The following ANKRD39 variants were observed in gnomAD, a reference collection of about 807,000 sequenced individuals.
ANKRD39 encodes the protein ankyrin repeat domain-containing protein 39.
A neutral mutation model predicts 20.3 loss-of-function variants in ANKRD39; 18 were observed. The ratio of observed to expected loss-of-function variants is 0.89; its 90% confidence interval spans 0.61 to 1.32. The LOEUF is 1.32. ANKRD39 is among the 40% of genes most tolerant of loss of function. The pLI is 0.00. For synonymous variants in ANKRD39, 106 were observed against 111.9 expected (o/e 0.95, Z 0.33); for missense variants, 243 against 250.7 (o/e 0.97, Z 0.21).
Position 96,848,330 on chromosome 2 carries a change from T to G in ANKRD39, c.523A>C (p.Ser175Arg), listed in dbSNP as rs1434045692. The change falls in exon 4 of 4, where the codon AGT (serine) becomes CGT (arginine). Residue 175 changes from serine (S) to arginine (R), a missense_variant. Ser to Arg is a moderately radical substitution (Grantham distance 110). Coordinates refer to ENST00000393537, the MANE Select transcript of ANKRD39 (RefSeq NM_016466.6). Reference protein sequence around the residue: ...RLACDLLPCNSDLRDLLSS With the variant: ...RLACDLLPCNRDLRDLLSS ...CTGGATAGCAGGTCCCGCAGGTCAC[T>G]GTTGCAAGGCAGCAGGTCACATGCT... 4 of 1,614,160 alleles carry G rather than the reference T, an allele frequency of 2.5e-6. No individual in the cohort carries two copies. The highest frequency in any genetic ancestry group is 3.4e-6 in the Non-Finnish European group (4 of 1,180,016).
At position 96,848,044 on chromosome 2, in the gene ANKRD39, G is replaced by T; in HGVS notation, c.*257C>A. 1 of 368,992 alleles carries T rather than the reference G, an allele frequency of 2.7e-6. No individual in the cohort carries two copies. Among genetic ancestry groups the T allele is most frequent in the Admixed American group, 4.0e-5 (1 of 25,126 alleles). 22.9% of individuals were successfully genotyped at this position (368,992 alleles called of 1,614,324 possible). A position where few individuals can be genotyped will look rare whatever the true frequency, so the allele number is the denominator to read the frequency against. ...AATTTATCTTTGGGTGTGGGATGAG[G>T]TAAGGATATAACTTTATTTTTTTCC... On this transcript the variant is annotated 3_prime_UTR_variant, in exon 4 of 4. Coordinates refer to ENST00000393537, the MANE Select transcript of ANKRD39 (RefSeq NM_016466.6).
At chr2:96,856,560 T>C (rs1046588052) in intron 1 of ANKRD39, among the ~76,000 whole-genome samples, 4 of 151,856 alleles carry the variant, frequency 2.6e-5, no homozygotes, top group African/African-American at 9.7e-5. Context: ...AACAGCACAA[T>C]TGACACTTAC....
chr2:96,852,539 AG>A (rs1454755318), intron 3 of ANKRD39, among the ~76,000 whole-genome samples: 1 of 150,648 alleles, frequency 6.6e-6, no homozygotes, highest in Non-Finnish European at 1.5e-5. Flanking sequence ...AACCTGGAGA[AG>A]GGGGCAGGAG....
chr2:96,854,707 T>A (rs1364556684), intron 1 of ANKRD39, among the ~76,000 whole-genome samples: 8 of 152,160 alleles, frequency 5.3e-5, no homozygotes, highest in Non-Finnish European at 2.9e-5. Context: ...AAGTGCTGGA[T>A]GAAGTAATGT....
intron 1 of ANKRD39, among the ~76,000 whole-genome samples, chr2:96,855,972 T>TCAACAA (rs140575907): frequency 4.6e-5 from 7 of 151,422 alleles, no homozygotes; most frequent in African/African-American, 1.5e-4. Context: ...AGACTCCGAC[T>TCAACAA]CAACAACAAC....
At position 96,848,393 on chromosome 2, in the gene ANKRD39, G is replaced by C. The variant is rs763051737; in HGVS notation, c.460C>G (p.Pro154Ala). Residue 154 changes from proline to alanine, a missense_variant, in exon 4 of 4, where the codon CCA becomes GCA. Coordinates refer to ENST00000393537, the MANE Select transcript of ANKRD39 (RefSeq NM_016466.6). ...DICSLLLQHSPALKAIRDRKA... is the reference protein window; with the variant it reads ...DICSLLLQHSAALKAIRDRKA... ...CGGTCCCGGATGGCCTTCAGGGCTG[G>C]GCTGTGTTGCAGGAGGAGGGAGCAG... 119 of 1,614,104 alleles carry C rather than the reference G, an allele frequency of 7.4e-5. No homozygotes were observed. Among genetic ancestry groups the C allele is most frequent in the Non-Finnish European group, 9.9e-5 (117 of 1,180,048 alleles).
chr2:96,857,769 G>GGCCCCAA lies in ANKRD39; in HGVS notation c.100+112_100+118dup, dbSNP rs556581970. 1,711 of 1,073,436 alleles carry GGCCCCAA rather than the reference G, an allele frequency of 1.6e-3. 5 individuals carry two copies. Among genetic ancestry groups the GGCCCCAA allele is most frequent in the South Asian group, 3.1e-3 (211 of 68,170 alleles). 66.5% of individuals were successfully genotyped at this position (1,073,436 alleles called of 1,614,324 possible). On this transcript the variant is annotated intron_variant, in intron 1 of 3. Transcript: ENST00000393537. ...GGGTCCCGCCCGCCTTCCCGCACCA[G>GGCCCCAA]GCCCCAAGCCCCAAGCCCCAAGCTC...
chr2:96,856,011 CAA>C (rs55950364), intron 1 of ANKRD39, among the ~76,000 whole-genome samples: 3 of 151,982 alleles, frequency 2.0e-5, no homozygotes, highest in East Asian at 1.9e-4. Context: ...ACAACAACAA[CAA>C]AGAGTTACTG....
rs372185299 is a variant in ANKRD39, at chr2:96,853,388, G to A, written c.408+13C>T. The A allele has an allele frequency of 1.2e-4, 188 of 1,560,700 alleles. No homozygotes were observed. The highest frequency in any genetic ancestry group is 1.6e-4 in the Non-Finnish European group (183 of 1,151,794). On this transcript the variant is annotated intron_variant, in intron 3 of 3. Transcript: ENST00000393537. ...TAAGGAAACGACATTTTTGGAAGGG[G>A]GAACGGGCCCACCTTATGCAGACTG...
At position 96,848,407 on chromosome 2, in the gene ANKRD39, A is replaced by C. The variant is rs1302268880; in HGVS notation, c.446T>G (p.Leu149Arg). The change falls in exon 4 of 4, where the codon CTC (leucine) becomes CGC (arginine). Residue 149 changes from leucine to arginine, a missense_variant. Transcript: ENST00000393537. ...ERGHGDICSL[L>R]LQHSPALKAI... ...CTTCAGGGCTGGGCTGTGTTGCAGG[A>C]GGAGGGAGCAGATGTCCCCGTGACC... 6.2e-7 allele frequency: 1 copy of C among 1,614,056 alleles called. No homozygotes were observed. The highest frequency in any genetic ancestry group is 1.7e-5 in the Admixed American group (1 of 60,014).
intron 2 of ANKRD39, among the ~76,000 whole-genome samples, chr2:96,853,975 A>G (rs1332083684): frequency 6.6e-6 from 1 of 152,096 alleles, no homozygotes; most frequent in Non-Finnish European, 1.5e-5. Context: ...AAAAATACAA[A>G]AATTAGCTGG....
chr2:96,854,827 T>G (rs2079855190), intron 1 of ANKRD39, among the ~76,000 whole-genome samples: 1 of 152,206 alleles, frequency 6.6e-6, no homozygotes, highest in African/African-American at 2.4e-5. Flanking sequence ...TTTCACCATG[T>G]TGGTCAGGCT....
Position 96,857,904 on chromosome 2 carries a change from C to G in ANKRD39, c.84G>C (p.Glu28Asp). The change falls in exon 1 of 4, where the codon GAG becomes GAC. Residue 28 changes from glutamate (E) to aspartate (D), a missense_variant. Coordinates refer to ENST00000393537, the MANE Select transcript of ANKRD39 (RefSeq NM_016466.6). The stretch of plus-strand genomic sequence containing the variant: ...CAGCCTCACCCCTCTCGAAGTCCAT[C>G]TCCTCCAGCGTCTGCTGTACGCCGA... ...AVLGVQQTLEEMDFERGIWSA... is the reference protein window; with the variant it reads ...AVLGVQQTLEDMDFERGIWSA... 1 of 1,583,958 alleles carries G rather than the reference C, an allele frequency of 6.3e-7. No individual in the cohort carries two copies. The highest frequency in any genetic ancestry group is 8.5e-7 in the Non-Finnish European group (1 of 1,171,576).
rs2079818873 is a variant in ANKRD39, at chr2:96,848,132, T to C, written c.*169A>G. On this transcript the variant is annotated 3_prime_UTR_variant, in exon 4 of 4. Coordinates refer to ENST00000393537, the MANE Select transcript of ANKRD39 (RefSeq NM_016466.6). ...TGATCATCTGTCCAGTCTTAAACAC[T>C]TTTAGCCACACCAAATCTACTCCCT... 1 of 824,370 alleles carries C rather than the reference T, an allele frequency of 1.2e-6. No individual in the cohort carries two copies. The highest frequency in any genetic ancestry group is 1.8e-6 in the Non-Finnish European group (1 of 545,678). 51.1% of individuals were successfully genotyped at this position (824,370 alleles called of 1,614,324 possible). A position where few individuals can be genotyped will look rare whatever the true frequency, so the allele number is the denominator to read the frequency against.
At chr2:96,857,299 C>G (rs151027613) in intron 1 of ANKRD39, among the ~76,000 whole-genome samples, 6 of 152,338 alleles carry the variant, frequency 3.9e-5, no homozygotes, top group African/African-American at 1.4e-4. Context: ...CAAGAAGCAC[C>G]CTGGTTTCCC....
Position 96,853,577 on chromosome 2 carries a change from C to A in ANKRD39, c.232G>T (p.Ala78Ser), listed in dbSNP as rs11556450. The change falls in exon 3 of 4, where the codon GCT (alanine) becomes TCT (serine). Residue 78 changes from alanine (A) to serine (S), a missense_variant. By Grantham distance (99) the Ala-to-Ser change is moderately conservative. Coordinates refer to ENST00000393537, the MANE Select transcript of ANKRD39 (RefSeq NM_016466.6). ...LHYASRNGHYAVCQFLLESGA... is the reference protein window; with the variant it reads ...LHYASRNGHYSVCQFLLESGA... ...CTTTCCAGCAGGAACTGGCACACAG[C>A]GTAGTGCCCATTGCGGCTGGCATAG... 23 of 1,612,378 alleles carry A rather than the reference C, an allele frequency of 1.4e-5. No individual in the cohort carries two copies. Among genetic ancestry groups the A allele is most frequent in the Non-Finnish European group, 1.9e-5 (22 of 1,179,956 alleles).
At position 96,848,436 on chromosome 2, in the gene ANKRD39, C is replaced by T. The variant is rs754429055; in HGVS notation, c.417G>A (p.Glu139=). The change falls in exon 4 of 4, where the codon GAG becomes GAA. Residue 139 remains glutamate (E), a synonymous_variant. Coordinates refer to ENST00000393537, the MANE Select transcript of ANKRD39 (RefSeq NM_016466.6). ...GGGAGCAGATGTCCCCGTGACCCCT[C>T]TCAGCAGCCTGTGGAGAGAAAGGCT... ...DGMTSLHKAA[E]RGHGDICSLL... The T allele has an allele frequency of 1.9e-6, 3 of 1,614,062 alleles. No individual in the cohort carries two copies.
chr2:96,854,987 C>G (rs955137809), intron 1 of ANKRD39, among the ~76,000 whole-genome samples: 2 of 152,188 alleles, frequency 1.3e-5, no homozygotes, highest in Non-Finnish European at 2.9e-5. Context: ...GTGACAATCT[C>G]CCACAGAAGA....
intron 1 of ANKRD39, among the ~76,000 whole-genome samples, chr2:96,855,089 G>A (rs1036236008): frequency 5.9e-5 from 9 of 152,302 alleles, no homozygotes; most frequent in Admixed American, 5.2e-4. Flanking sequence ...GGTGAGATGA[G>A]GGGAGTTCGG....
Sources: allele counts gnomAD v4.1 joint callset (sites outside exome capture counted in the v4.1 genomes callset), GRCh38; gene constraint gnomAD v4.1.1; transcripts MANE v1.5; gene names NCBI Gene and HGNC (gene_info 2026-07-23, HGNC 2026-07-21).